CSMD1: variants seen among roughly 807,000 people sequenced by gnomAD.
The protein encoded by CSMD1 is CUB and sushi domain-containing protein 1.
Under a neutral mutation model 417.5 loss-of-function variants are expected in CSMD1, and 213 were observed. The ratio of observed to expected loss-of-function variants is 0.51; its 90% CI spans 0.46 to 0.57. CSMD1 has a LOEUF of 0.57. CSMD1 is among the 20% of genes least tolerant of loss of function. The pLI is 0.00. For missense variants in CSMD1, 6,923 were observed against 4,529.7 expected (o/e 1.53, Z -15.17); for synonymous variants, 2,862 against 1,736.8 (o/e 1.65, Z -16.11).
intron 26 of CSMD1, chr8:3,278,369 C>T (rs906357805): frequency 6.6e-6 from 1 of 152,140 alleles, no homozygotes. Context: ...TAACTATTTT[C>T]TCTCCAATAA....
At chr8:4,530,651 C>T (rs1796764145) in intron 2 of CSMD1, among the ~76,000 whole-genome samples, 2 of 151,226 alleles carry the variant, frequency 1.3e-5, no homozygotes, top group African/African-American at 4.9e-5. Context: ...TAGCTTCATC[C>T]ATGTCCCTGC....
intron 1 of CSMD1, among the ~76,000 whole-genome samples, chr8:4,858,239 A>G (rs1275439517): frequency 1.3e-5 from 2 of 150,504 alleles, no homozygotes; most frequent in Non-Finnish European, 3.0e-5. Context: ...AACTCTCAAT[A>G]AATTAGGTAT....
intron 5 of CSMD1, among the ~76,000 whole-genome samples, chr8:3,963,676 T>C (rs1379888777): frequency 2.0e-5 from 3 of 152,228 alleles, no homozygotes; most frequent in Non-Finnish European, 2.9e-5. Context: ...TTTGTATGTG[T>C]GTAAGTGAAT....
At chr8:4,851,077 C>G (rs1161521753) in intron 1 of CSMD1, among the ~76,000 whole-genome samples, 1 of 151,546 alleles carries the variant, frequency 6.6e-6, no homozygotes, top group African/African-American at 2.4e-5. Context: ...TGAGGTATAT[C>G]TCCTAATGTT....
intron 3 of CSMD1, among the ~76,000 whole-genome samples, chr8:4,334,097 G>A (rs968233263): frequency 2.6e-5 from 4 of 151,988 alleles, no homozygotes; most frequent in African/African-American, 9.7e-5. Flanking sequence ...ATTACAGACA[G>A]GGTTTTACTG....
intron 3 of CSMD1, among the ~76,000 whole-genome samples, chr8:4,384,565 T>TA (rs1472283514): frequency 1.1e-4 from 17 of 152,218 alleles, no homozygotes; most frequent in African/African-American, 4.1e-4. Context: ...ATCAGTGCTG[T>TA]AAGCAATGCT....
At chr8:2,959,114 A>T (rs554523396) in intron 62 of CSMD1, among the ~76,000 whole-genome samples, 2 of 152,328 alleles carry the variant, frequency 1.3e-5, no homozygotes, top group East Asian at 3.9e-4. Context: ...TGATCGATTT[A>T]AACTTTAGAG....
In CSMD1 at chr8:3,142,647, G is replaced by A. The variant is rs1456963597; in HGVS notation, c.6059C>T (p.Ser2020Phe). 1 of 1,613,746 alleles carries A rather than the reference G, an allele frequency of 6.2e-7. No homozygotes were observed. Among genetic ancestry groups the A allele is most frequent in the Non-Finnish European group, 8.5e-7 (1 of 1,179,654 alleles). ...AAGGAAGTCATGATTAGCTTCGGTA[G>A]AAAAATTCAGAAACTGAATATGTGC... ...YGAHIQFLNF[S>F]TEANHDFLEI... The change falls in exon 41 of 70, where the codon TCT (serine) becomes TTT (phenylalanine). Residue 2020 changes from serine (S) to phenylalanine (F), a missense_variant. Transcript: ENST00000635120.
At chr8:3,928,435 A>C (rs1809902947) in intron 5 of CSMD1, among the ~76,000 whole-genome samples, 1 of 152,244 alleles carries the variant, frequency 6.6e-6, no homozygotes, top group Non-Finnish European at 1.5e-5. Context: ...ACTTTTCAAA[A>C]ACCAGTAACT....
chr8:3,505,117 G>C lies in CSMD1; in HGVS notation c.1345-11391C>G, dbSNP rs75443491. Among the ~76,000 whole-genome samples the C allele has an allele frequency of 7.2e-3, 1,097 of 152,214 alleles. 8 individuals are homozygous for C. The highest frequency in any genetic ancestry group is 0.026 in the South Asian group (126 of 4,820). On this transcript the variant is annotated intron_variant, in intron 10 of 69. Transcript: ENST00000635120. Reference sequence around the variant, plus strand: ...GAAATAAAGTAACCCAAGCATCACAGGCAGATTTCAGTAAATTATTGAAAT... The same window carrying C: ...GAAATAAAGTAACCCAAGCATCACACGCAGATTTCAGTAAATTATTGAAAT...
chr8:3,410,917 G>C (rs530762781), intron 12 of CSMD1, among the ~76,000 whole-genome samples: 1 of 152,202 alleles, frequency 6.6e-6, no homozygotes, highest in East Asian at 1.9e-4. Flanking sequence ...GAGGGGTATA[G>C]AGAGATGGAT....
At chr8:4,278,303 C>T (rs1368669979) in intron 3 of CSMD1, among the ~76,000 whole-genome samples, 3 of 152,102 alleles carry the variant, frequency 2.0e-5, no homozygotes, top group Admixed American at 6.6e-5. Context: ...GTTAAAAACA[C>T]AGCGGTAGTG....
At position 4,418,445 on chromosome 8, in the gene CSMD1, G is replaced by A. The variant is rs116774474; in HGVS notation, c.415+1508C>T. Among the ~76,000 whole-genome samples the A allele has an allele frequency of 9.6e-3, 1,466 of 152,164 alleles. 34 individuals are homozygous for A. The highest frequency in any genetic ancestry group is 0.033 in the African/African-American group (1,376 of 41,536). On this transcript the variant is annotated intron_variant, in intron 3 of 69. Coordinates refer to ENST00000635120, the MANE Select transcript of CSMD1 (RefSeq NM_033225.6). ...ATTCATATAGTGATTTCTCAACAGC[G>A]ATGGAGTTTTCACAACATTAATTTT...
chr8:4,202,879 G>A (rs1169768864), intron 3 of CSMD1, among the ~76,000 whole-genome samples: 1 of 152,200 alleles, frequency 6.6e-6, no homozygotes, highest in Non-Finnish European at 1.5e-5. Context: ...AATAGAGGGT[G>A]TCCTGGAGAA....
intron 3 of CSMD1, among the ~76,000 whole-genome samples, chr8:4,104,104 C>G (rs184986348): frequency 2.2e-4 from 33 of 152,342 alleles, no homozygotes; most frequent in Admixed American, 3.3e-4. Context: ...TCAAGATTGA[C>G]CTGTCCCACA....
At chr8:4,316,648 C>T (rs1297042058) in intron 3 of CSMD1, among the ~76,000 whole-genome samples, 1 of 152,016 alleles carries the variant, frequency 6.6e-6, no homozygotes, top group South Asian at 2.1e-4. Flanking sequence ...ATGGGGTACA[C>T]TGTGTCAAGA....
intron 5 of CSMD1, among the ~76,000 whole-genome samples, chr8:3,934,051 C>A (rs148435976): frequency 3.3e-5 from 5 of 152,140 alleles, no homozygotes; most frequent in Admixed American, 1.3e-4. Context: ...CTGCTCTACA[C>A]TGAGTATCAG....
intron 12 of CSMD1, among the ~76,000 whole-genome samples, chr8:3,426,356 G>C (rs958581327): frequency 3.9e-5 from 6 of 152,136 alleles, no homozygotes; most frequent in African/African-American, 9.7e-5. Flanking sequence ...GTGATCATGA[G>C]ACTCATAGAT....
At chr8:4,109,517 T>C (rs1421968300) in intron 3 of CSMD1, among the ~76,000 whole-genome samples, 1 of 152,144 alleles carries the variant, frequency 6.6e-6, no homozygotes, top group African/African-American at 2.4e-5. Flanking sequence ...AGTAGACTTA[T>C]TGTCAGTAGT....
Sources: allele counts gnomAD v4.1 joint callset (sites outside exome capture counted in the v4.1 genomes callset), GRCh38; gene constraint gnomAD v4.1.1; transcripts MANE v1.5; gene names NCBI Gene and HGNC (gene_info 2026-07-23, HGNC 2026-07-21).